Variants in IL18R1 observed in about 807,000 individuals in gnomAD.
IL18R1 encodes the protein interleukin 18 receptor 1.
Under a neutral mutation model 48.5 loss-of-function variants are expected in IL18R1, and 40 were observed. That is an observed-to-expected ratio of 0.82 (90% CI 0.64 to 1.07). The LOEUF (loss-of-function observed/expected upper bound fraction) is 1.07, where lower values mean the gene tolerates loss of function less well. Among genes scored for constraint, IL18R1 ranks in the 50% least tolerant of loss-of-function variants. The pLI is 0.00. For missense variants in IL18R1, 596 were observed against 633.7 expected (o/e 0.94, Z 0.64); for synonymous variants, 232 against 225.9 (o/e 1.03, Z -0.24).
chr2:102,357,028 A>G (rs180863496), intron 1 of IL18R1, among the ~76,000 whole-genome samples: 1 of 152,254 alleles, frequency 6.6e-6, no homozygotes, highest in Admixed American at 6.5e-5. Context: ...ACCCTTTGCA[A>G]ATACTGATTT....
chr2:102,379,721 A>G (rs1158803004), intron 5 of IL18R1, among the ~76,000 whole-genome samples: 1 of 152,210 alleles, frequency 6.6e-6, no homozygotes, highest in East Asian at 1.9e-4. Context: ...CAAAGAATTT[A>G]TAGCCAACTC....
chr2:102,397,953 A>G lies in IL18R1; in HGVS notation c.*1067A>G, dbSNP rs1268520354. On this transcript the variant is annotated 3_prime_UTR_variant, in exon 11 of 11. Transcript: ENST00000233957. ...AGGGGTAACTAAATGAATAAATATA[A>G]TAAAGTACTTACAGTGGTTCCTGAC... is the stretch of plus-strand genomic sequence containing the variant. 1 of 152,210 alleles carries G rather than the reference A, an allele frequency of 6.6e-6. No individual in the cohort carries two copies. Among genetic ancestry groups the G allele is most frequent in the Non-Finnish European group, 1.5e-5 (1 of 68,030 alleles). 9.4% of individuals were successfully genotyped at this position (152,210 alleles called of 1,614,324 possible).
chr2:102,387,050 G>A (rs2105111286), intron 8 of IL18R1, 50 bp downstream of exon 8: 1 of 1,573,144 alleles, frequency 6.4e-7, no homozygotes, highest in Non-Finnish European at 8.7e-7. Context: ...CATTGCTACT[G>A]AGAGACATTT....
intron 9 of IL18R1, among the ~76,000 whole-genome samples, chr2:102,392,211 A>G (rs998610874): frequency 2.0e-5 from 3 of 152,228 alleles, no homozygotes; most frequent in Non-Finnish European, 4.4e-5. Flanking sequence ...ACATAAAATT[A>G]GCAAGGTTAG....
intron 2 of IL18R1, among the ~76,000 whole-genome samples, chr2:102,364,283 A>G (rs906831721): frequency 2.0e-5 from 3 of 152,246 alleles, no homozygotes; most frequent in Non-Finnish European, 2.9e-5. Flanking sequence ...CAAATCCCCA[A>G]CATGCATCCT....
intron 1 of IL18R1, 34 bp downstream of exon 1, chr2:102,356,434 TC>T: frequency 1.8e-6 from 1 of 560,846 alleles, no homozygotes; most frequent in Non-Finnish European, 2.3e-6. Flanking sequence ...CCGCATCCCC[TC>T]CCCACCCCCC....
chr2:102,359,500 A>C (rs1167985785), intron 1 of IL18R1, among the ~76,000 whole-genome samples: 1 of 152,234 alleles, frequency 6.6e-6, no homozygotes, highest in Non-Finnish European at 1.5e-5. Flanking sequence ...GAACTGGACA[A>C]AAGACATAAA....
intron 6 of IL18R1, among the ~76,000 whole-genome samples, chr2:102,382,602 T>A (rs1418423854): frequency 6.6e-6 from 1 of 152,224 alleles, no homozygotes; most frequent in African/African-American, 2.4e-5. Context: ...TATTCTCATT[T>A]TATGAATTAA....
At chr2:102,376,448 T>A (rs1679590862) in intron 5 of IL18R1, among the ~76,000 whole-genome samples, 1 of 152,228 alleles carries the variant, frequency 6.6e-6, no homozygotes. Flanking sequence ...TGAGATGAAG[T>A]GAGCACTGTA....
chr2:102,381,516 A>G (rs1679916304), intron 5 of IL18R1, 104 bp from the exon 6 acceptor site: 2 of 830,098 alleles, frequency 2.4e-6, no homozygotes, highest in East Asian at 2.6e-5. Context: ...ACCAGTAACT[A>G]TTGGAATCTT....
intron 3 of IL18R1, among the ~76,000 whole-genome samples, chr2:102,369,520 T>A (rs3771170): frequency 0.77 from 117,892 of 152,162 alleles, 46,656 homozygotes; most frequent in African/African-American, 0.89. Context: ...GAGTAAAGTG[T>A]TGAGGAGAGA....
chr2:102,377,697 A>C (rs1017801244), intron 5 of IL18R1, among the ~76,000 whole-genome samples: 1 of 152,202 alleles, frequency 6.6e-6, no homozygotes, highest in Admixed American at 6.5e-5. Flanking sequence ...TTCATTTCAG[A>C]GCCAAACACA....
chr2:102,372,924 G>GAA (rs1559623085), intron 4 of IL18R1, among the ~76,000 whole-genome samples: 1 of 152,136 alleles, frequency 6.6e-6, no homozygotes, highest in East Asian at 1.9e-4. Context: ...CTGGATCAGA[G>GAA]GCTGTGAGCA....
intron 9 of IL18R1, among the ~76,000 whole-genome samples, chr2:102,390,949 AAGAG>A (rs1553677921): frequency 2.0e-5 from 3 of 150,866 alleles, no homozygotes; most frequent in Non-Finnish European, 4.4e-5. Flanking sequence ...AAAAAAAAAA[AAGAG>A]AGAGAAAAAG....
At chr2:102,382,082 G>A (rs933497322) in intron 6 of IL18R1, among the ~76,000 whole-genome samples, 2 of 152,040 alleles carry the variant, frequency 1.3e-5, no homozygotes, top group African/African-American at 4.8e-5. Flanking sequence ...AGACCAACCT[G>A]ACCAGCACGG....
intron 1 of IL18R1, 34 bp from the exon 2 acceptor site, chr2:102,362,599 G>A: frequency 6.9e-7 from 1 of 1,451,462 alleles, no homozygotes. Flanking sequence ...TTGTTTGAAA[G>A]CTTTGGCTGA....
chr2:102,372,978 G>T (rs1173907987), intron 4 of IL18R1, among the ~76,000 whole-genome samples: 2 of 151,958 alleles, frequency 1.3e-5, no homozygotes, highest in African/African-American at 4.8e-5. Context: ...TTGTCTCCAG[G>T]GAGCTCTGCC....
Position 102,381,697 on chromosome 2 carries a change from A to G in IL18R1, c.688+15A>G. The G allele has an allele frequency of 6.4e-7, 1 of 1,572,282 alleles. No homozygotes were observed. Among genetic ancestry groups the G allele is most frequent in the Non-Finnish European group, 8.8e-7 (1 of 1,142,282 alleles). ...AGTGGAATTAGGTATATTTCAATAT[A>G]CATATATTCTGCATTTATAAGTAGG... On this transcript the variant is annotated intron_variant, in intron 6 of 10. Coordinates refer to ENST00000233957, the MANE Select transcript of IL18R1 (RefSeq NM_003855.5).
intron 2 of IL18R1, among the ~76,000 whole-genome samples, chr2:102,363,194 T>C (rs1324383533): frequency 7.9e-6 from 1 of 125,920 alleles, no homozygotes. Context: ...AGTGATTGCC[T>C]AGAGTTTTTT....
Sources: gnomAD v4.1 joint callset for allele counts (sites outside exome capture counted in the v4.1 genomes callset) on GRCh38, gnomAD v4.1.1 for gene constraint, MANE v1.5 for transcripts, NCBI Gene and HGNC (gene_info 2026-07-23, HGNC 2026-07-21) for gene names.